NLGN1: variants seen among roughly 807,000 people sequenced by gnomAD.
NLGN1 encodes the protein neuroligin 1.
A neutral mutation model predicts 65.5 loss-of-function variants in NLGN1; 12 were observed. The ratio of observed to expected loss-of-function variants is 0.18; its 90% CI spans 0.12 to 0.30. The LOEUF is 0.30. Ranked by LOEUF, NLGN1 falls within the 10% of genes least tolerant of loss-of-function variation. The probability of loss-of-function intolerance (pLI) is 1.00; values close to 1 mark genes in which losing one functional copy is unlikely to be tolerated. For missense variants in NLGN1, 750 were observed against 1,007.1 expected (o/e 0.74, Z 3.46); for synonymous variants, 350 against 359.5 (o/e 0.97, Z 0.30).
At chr3:173,859,287 A>G (rs1185040413) in intron 4 of NLGN1, among the ~76,000 whole-genome samples, 1 of 152,116 alleles carries the variant, frequency 6.6e-6, no homozygotes, top group South Asian at 2.1e-4. Context: ...AGAGTTTACA[A>G]TCTGTTTTAT....
In NLGN1 at chr3:174,090,388, G is replaced by A. The variant is rs191319467; in HGVS notation, c.647-184927G>A. Among the ~76,000 whole-genome samples, 10 of 152,116 alleles carry A rather than the reference G, an allele frequency of 6.6e-5. No homozygotes were observed. In the East Asian group the frequency reaches 1.6e-3, roughly 24 times the overall value. On this transcript the variant is annotated intron_variant, in intron 4 of 6. Transcript: ENST00000457714. Reference sequence around the variant, plus strand: ...CTTGGGGTGCTGAGGCAGGAGAGTCGCTTGAACCTGGGAGGTGGAGTTTGC... The same window carrying A: ...CTTGGGGTGCTGAGGCAGGAGAGTCACTTGAACCTGGGAGGTGGAGTTTGC...
chr3:173,517,611 C>A (rs1209158009), intron 2 of NLGN1, among the ~76,000 whole-genome samples: 1 of 152,060 alleles, frequency 6.6e-6, no homozygotes, highest in Non-Finnish European at 1.5e-5. Context: ...GGGGACAATT[C>A]CTGTGATTAG....
intron 4 of NLGN1, among the ~76,000 whole-genome samples, chr3:174,042,193 A>G (rs1308351848): frequency 6.6e-6 from 1 of 152,054 alleles, no homozygotes; most frequent in Non-Finnish European, 1.5e-5. Context: ...CATTTTCTCA[A>G]TGGTGTCTTT....
chr3:174,145,708 A>G (rs1723098492), intron 4 of NLGN1, among the ~76,000 whole-genome samples: 1 of 152,218 alleles, frequency 6.6e-6, no homozygotes, highest in African/African-American at 2.4e-5. Flanking sequence ...AATGCTCTGA[A>G]AGTCTAGGAC....
chr3:173,446,796 G>T (rs533401660), intron 2 of NLGN1, among the ~76,000 whole-genome samples: 1 of 152,178 alleles, frequency 6.6e-6, no homozygotes, highest in Non-Finnish European at 1.5e-5. Context: ...GTTTTGATTT[G>T]CATTTCTCTG....
intron 4 of NLGN1, among the ~76,000 whole-genome samples, chr3:173,848,044 G>A (rs936306285): frequency 6.6e-6 from 1 of 152,046 alleles, no homozygotes; most frequent in African/African-American, 2.4e-5. Flanking sequence ...TTAATGGTAG[G>A]GTATGATTTC....
At chr3:173,396,082 G>A (rs979979127), upstream of NLGN1, among the ~76,000 whole-genome samples, 2 of 152,000 alleles carry the variant, frequency 1.3e-5, no homozygotes, top group Non-Finnish European at 2.9e-5. Context: ...CGGCGGCGGC[G>A]GGGACCGGAG....
chr3:173,568,892 G>A lies in NLGN1; in HGVS notation c.-320-35387G>A, dbSNP rs1160961164. 3.3e-5 allele frequency among the ~76,000 whole-genome samples: 5 copies of A among 151,878 alleles called. No individual in the cohort carries two copies. The East Asian group carries it at 9.8e-4, about 30-fold the overall frequency. On this transcript the variant is annotated intron_variant, in intron 2 of 6. Transcript: ENST00000457714. Reference sequence around the variant, plus strand: ...GACGGGGTTTCACCTGTTAGCCAGGGTGGTCTCGAACTCCTGACCTTGTGA... The same window carrying A: ...GACGGGGTTTCACCTGTTAGCCAGGATGGTCTCGAACTCCTGACCTTGTGA...
chr3:174,239,688 T>G (rs536263160), intron 4 of NLGN1, among the ~76,000 whole-genome samples: 1 of 152,236 alleles, frequency 6.6e-6, no homozygotes, highest in Non-Finnish European at 1.5e-5. Context: ...TCGATATAAT[T>G]GTAAATGCTA....
intron 4 of NLGN1, among the ~76,000 whole-genome samples, chr3:174,051,938 TCTAGC>T (rs1416266356): frequency 6.6e-6 from 1 of 151,976 alleles, no homozygotes; most frequent in Non-Finnish European, 1.5e-5. Context: ...CAGTAATAGT[TCTAGC>T]CATGGGTTCT....
Position 173,886,031 on chromosome 3 carries a change from C to T in NLGN1, c.646+78199C>T, listed in dbSNP as rs565749763. On this transcript the variant is annotated intron_variant, in intron 4 of 6. Transcript: ENST00000457714. ...TGTTTGTTTCAACATTATTTAAAAC[C>T]GTCATATCCCAAACACCTAGGGGCC... Among the ~76,000 whole-genome samples, 8 of 152,024 alleles carry T rather than the reference C, an allele frequency of 5.3e-5. No homozygotes were observed. In the East Asian group the frequency reaches 5.8e-4, roughly 11 times the overall value.
chr3:174,004,817 A>G (rs77459618), intron 4 of NLGN1, among the ~76,000 whole-genome samples: 1,656 of 152,270 alleles, frequency 0.011, 27 homozygotes, highest in African/African-American at 0.038. Context: ...GTGGCCAGGT[A>G]CAGTTACTGG....
At chr3:173,762,762 C>T (rs908766237) in intron 3 of NLGN1, among the ~76,000 whole-genome samples, 1 of 151,794 alleles carries the variant, frequency 6.6e-6, no homozygotes, top group Non-Finnish European at 1.5e-5. Context: ...GCTTAGTCAT[C>T]GACGCTGATT....
intron 3 of NLGN1, among the ~76,000 whole-genome samples, chr3:173,732,027 T>C (rs1772936367): frequency 1.3e-5 from 2 of 152,086 alleles, no homozygotes; most frequent in Admixed American, 1.3e-4. Flanking sequence ...TTTTCAAACA[T>C]ACCTCTAATA....
intron 4 of NLGN1, among the ~76,000 whole-genome samples, chr3:173,830,167 C>T (rs531049901): frequency 3.3e-5 from 5 of 152,208 alleles, no homozygotes; most frequent in South Asian, 4.1e-4. Context: ...ATGTATTCAT[C>T]GAGATTTATA....
chr3:173,584,759 A>T (rs1459903146), intron 2 of NLGN1: 2 of 145,614 alleles, frequency 1.4e-5, no homozygotes, highest in Non-Finnish European at 3.0e-5. Context: ...GACACGTTTT[A>T]GAAGTGTCCG....
intron 2 of NLGN1, among the ~76,000 whole-genome samples, chr3:173,568,252 C>CT (rs1040846185): frequency 2.7e-4 from 36 of 133,726 alleles, no homozygotes; most frequent in African/African-American, 8.8e-4. Flanking sequence ...TTTTCCTTTT[C>CT]TTTTTTTTCT....
chr3:173,661,477 G>C (rs567351042), intron 3 of NLGN1, among the ~76,000 whole-genome samples: 2 of 152,008 alleles, frequency 1.3e-5, no homozygotes, highest in East Asian at 3.9e-4. Flanking sequence ...CCCAAATTGT[G>C]GTAAAGGTAC....
intron 4 of NLGN1, among the ~76,000 whole-genome samples, chr3:174,163,340 T>C (rs554194955): frequency 6.6e-6 from 1 of 152,188 alleles, no homozygotes; most frequent in Admixed American, 6.6e-5. Context: ...ACAAAGTAAA[T>C]TTCCATGTTA....
Sources: allele counts gnomAD v4.1 joint callset (sites outside exome capture counted in the v4.1 genomes callset), GRCh38; gene constraint gnomAD v4.1.1; transcripts MANE v1.5; gene names NCBI Gene and HGNC (gene_info 2026-07-23, HGNC 2026-07-21).